Variants in DLG2 observed in about 807,000 individuals in gnomAD.
DLG2 encodes the protein discs large MAGUK scaffold protein 2.
A neutral mutation model predicts 132.5 loss-of-function variants in DLG2; 45 were observed. That is an observed-to-expected ratio of 0.34 (90% CI 0.27 to 0.44). The LOEUF (loss-of-function observed/expected upper bound fraction) is 0.44. DLG2 is among the 20% of genes least tolerant of loss of function. The pLI, the probability that DLG2 is intolerant of heterozygous loss-of-function variation, is 1.00. For synonymous variants in DLG2, 424 were observed against 419.6 expected, an observed-to-expected ratio of 1.01 and a Z score of -0.13; for missense variants, 1,045 against 1,196.9, an observed-to-expected ratio of 0.87 and a Z score of 1.87.
chr11:84,349,101 C>A (rs892319693), intron 7 of DLG2, among the ~76,000 whole-genome samples: 1 of 152,144 alleles, frequency 6.6e-6, no homozygotes, highest in Non-Finnish European at 1.5e-5. Flanking sequence ...AATTAGATTA[C>A]CTCCCGGTTT....
intron 6 of DLG2, among the ~76,000 whole-genome samples, chr11:84,724,702 G>A (rs933033319): frequency 5.3e-5 from 8 of 152,060 alleles, no homozygotes; most frequent in African/African-American, 1.9e-4. Context: ...TAATGCCCAA[G>A]GTAACAAAAT....
At chr11:84,213,828 A>G (rs2096791837) in intron 8 of DLG2, among the ~76,000 whole-genome samples, 1 of 149,068 alleles carries the variant, frequency 6.7e-6, no homozygotes, top group African/African-American at 2.5e-5. Context: ...CAAAAAAAAA[A>G]AAAAAAAAGA....
In DLG2 at chr11:85,066,731, G is replaced by T. The variant is rs558683899; in HGVS notation, c.357+44930C>A. On this transcript the variant is annotated intron_variant, in intron 6 of 27. Coordinates refer to ENST00000376104, the MANE Select transcript of DLG2 (RefSeq NM_001142699.3). ...ACAGACACCGAAAAAGCATTCAATA[G>T]AATTCAATATCCTATCATAATAAAA... 2.0e-5 allele frequency among the ~76,000 whole-genome samples: 3 copies of T among 151,480 alleles called. No individual in the cohort carries two copies. The South Asian group carries it at 6.2e-4, about 32-fold the overall frequency.
intron 7 of DLG2, among the ~76,000 whole-genome samples, chr11:84,467,092 CTATT>C (rs1404453162): frequency 6.6e-6 from 1 of 151,244 alleles, no homozygotes; most frequent in Admixed American, 6.6e-5. Flanking sequence ...ATCTTGGTGT[CTATT>C]TATCATTTTC....
intron 6 of DLG2, among the ~76,000 whole-genome samples, chr11:84,965,611 T>C (rs1322116120): frequency 1.3e-5 from 2 of 152,060 alleles, no homozygotes; most frequent in African/African-American, 4.8e-5. Flanking sequence ...TTCTCAGTAA[T>C]CAGCAACAAA....
At position 84,412,893 on chromosome 11, in the gene DLG2, T is replaced by C. The variant is rs2098914508; in HGVS notation, c.519+121677A>G. 2.6e-5 allele frequency among the ~76,000 whole-genome samples: 4 copies of C among 152,228 alleles called. No homozygotes were observed. In the South Asian group the frequency reaches 8.3e-4, roughly 31 times the overall value. ...GATAACTTCCTGGAATGTATACTTC[T>C]CTAAGATTCCTCCAGTTATTATCTG... On this transcript the variant is annotated intron_variant, in intron 7 of 27. Coordinates refer to ENST00000376104, the MANE Select transcript of DLG2 (RefSeq NM_001142699.3).
chr11:85,620,092 T>A (rs757953196), intron 2 of DLG2, among the ~76,000 whole-genome samples: 4 of 152,250 alleles, frequency 2.6e-5, no homozygotes, highest in Non-Finnish European at 4.4e-5. Context: ...ATATATTCAC[T>A]TCATGTCTCT....
chr11:84,222,522 TAAC>T (rs2096930380), intron 8 of DLG2, among the ~76,000 whole-genome samples: 1 of 152,234 alleles, frequency 6.6e-6, no homozygotes, highest in South Asian at 2.1e-4. Flanking sequence ...CTTAGATACT[TAAC>T]AACAATTATA....
chr11:84,784,366 A>G (rs139714059), intron 6 of DLG2, among the ~76,000 whole-genome samples: 2 of 147,406 alleles, frequency 1.4e-5, no homozygotes, highest in Non-Finnish European at 3.0e-5. Flanking sequence ...ATAAATAAAT[A>G]AATTAAACAA....
chr11:84,588,402 G>A (rs2099534875), intron 6 of DLG2, among the ~76,000 whole-genome samples: 1 of 152,018 alleles, frequency 6.6e-6, no homozygotes, highest in Non-Finnish European at 1.5e-5. Flanking sequence ...TATGATGGTG[G>A]CAAGATAATT....
intron 16 of DLG2, among the ~76,000 whole-genome samples, chr11:83,849,873 C>T (rs1335312476): frequency 6.6e-6 from 1 of 152,056 alleles, no homozygotes; most frequent in East Asian, 1.9e-4. Context: ...TCCCTTTCCC[C>T]CGGCCTTCGT....
At chr11:84,096,474 A>G (rs962666202) in intron 10 of DLG2, among the ~76,000 whole-genome samples, 3 of 152,222 alleles carry the variant, frequency 2.0e-5, no homozygotes, top group African/African-American at 7.2e-5. Flanking sequence ...TCTCAGAGAT[A>G]TCACTTTTCA....
chr11:84,399,142 G>C (rs2098820849), intron 7 of DLG2, among the ~76,000 whole-genome samples: 1 of 152,076 alleles, frequency 6.6e-6, no homozygotes, highest in Non-Finnish European at 1.5e-5. Flanking sequence ...AACTTCTTAA[G>C]ACAGATCATC....
chr11:85,555,215 T>C (rs978252942), intron 3 of DLG2, among the ~76,000 whole-genome samples: 7 of 151,848 alleles, frequency 4.6e-5, no homozygotes, highest in Non-Finnish European at 8.8e-5. Context: ...ACTACTTAAA[T>C]AGATCTATAC....
At chr11:84,176,679 C>T (rs895925130) in intron 8 of DLG2, among the ~76,000 whole-genome samples, 1 of 151,936 alleles carries the variant, frequency 6.6e-6, no homozygotes, top group Non-Finnish European at 1.5e-5. Context: ...CGGATTAAGG[C>T]GTTCTGGACT....
chr11:84,265,930 T>A (rs538077931), intron 7 of DLG2, among the ~76,000 whole-genome samples: 4 of 152,324 alleles, frequency 2.6e-5, no homozygotes, highest in African/African-American at 9.6e-5. Flanking sequence ...GTTTGCTACA[T>A]GGAAGAGGAC....
At chr11:83,753,970 G>GAAAT (rs1277827858) in intron 18 of DLG2, among the ~76,000 whole-genome samples, 1 of 146,034 alleles carries the variant, frequency 6.8e-6, no homozygotes, top group Admixed American at 6.9e-5. Flanking sequence ...CATGCCAAGT[G>GAAAT]AAATAGAGAA....
chr11:85,578,173 T>C (rs2078274510), intron 3 of DLG2, among the ~76,000 whole-genome samples: 1 of 152,102 alleles, frequency 6.6e-6, no homozygotes, highest in South Asian at 2.1e-4. Context: ...AGTGCTGTGA[T>C]AACTGGCTAG....
At chr11:83,543,116 A>G (rs543079142) in intron 19 of DLG2, among the ~76,000 whole-genome samples, 29 of 152,276 alleles carry the variant, frequency 1.9e-4, no homozygotes, top group African/African-American at 5.8e-4. Flanking sequence ...AGTATAATTA[A>G]TTGCAACGTA....
Sources: gnomAD v4.1 joint callset for allele counts (sites outside exome capture counted in the v4.1 genomes callset) on GRCh38, gnomAD v4.1.1 for gene constraint, MANE v1.5 for transcripts, NCBI Gene and HGNC (gene_info 2026-07-23, HGNC 2026-07-21) for gene names.